The following GAS2 variants were observed in gnomAD, a reference collection of about 807,000 sequenced individuals.
GAS2 encodes the protein growth arrest specific 2, also known as growth arrest-specific protein 2.
GAS2 carries 20 observed loss-of-function variants against 37.5 expected under a neutral mutation model. That is an observed-to-expected ratio of 0.53 (90% CI 0.37 to 0.77). The LOEUF is 0.77. GAS2 is among the 30% of genes least tolerant of loss of function. GAS2 has a pLI of 0.00. For synonymous variants in GAS2, 144 were observed against 132.2 expected (o/e 1.09, Z -0.61); for missense variants, 336 against 373.4 (o/e 0.90, Z 0.82).
intron 3 of GAS2, among the ~76,000 whole-genome samples, chr11:22,691,360 A>C (rs1850239832): frequency 6.6e-6 from 1 of 152,192 alleles, no homozygotes; most frequent in Non-Finnish European, 1.5e-5. Flanking sequence ...TAAAGATTAG[A>C]AATTTTCTTC....
intron 7 of GAS2, among the ~76,000 whole-genome samples, chr11:22,768,762 G>A (rs1854825109): frequency 6.6e-6 from 1 of 152,124 alleles, no homozygotes; most frequent in South Asian, 2.1e-4. Flanking sequence ...TTTTCCTAAA[G>A]TCTGGCTTCA....
intron 3 of GAS2, among the ~76,000 whole-genome samples, chr11:22,696,747 A>G (rs2133997928): frequency 6.6e-6 from 1 of 152,010 alleles, no homozygotes; most frequent in South Asian, 2.1e-4. Flanking sequence ...TCTTCTTTTG[A>G]GAAGTGTCTG....
At chr11:22,714,095 A>G (rs996346449) in intron 3 of GAS2, among the ~76,000 whole-genome samples, 13 of 152,182 alleles carry the variant, frequency 8.5e-5, no homozygotes, top group African/African-American at 2.4e-4. Context: ...ATGGATCAAA[A>G]TCCCAAAACC....
At chr11:22,803,596 T>A (rs889543615) in intron 7 of GAS2, among the ~76,000 whole-genome samples, 1 of 152,164 alleles carries the variant, frequency 6.6e-6, no homozygotes, top group Non-Finnish European at 1.5e-5. Flanking sequence ...CTAAGTTGCT[T>A]AACTTCTCAG....
chr11:22,762,133 G>A (rs563807001), intron 7 of GAS2, among the ~76,000 whole-genome samples: 1 of 152,214 alleles, frequency 6.6e-6, no homozygotes, highest in East Asian at 1.9e-4. Flanking sequence ...TATATTGAAA[G>A]TTGTCCACAT....
At chr11:22,753,013 G>A (rs189900953) in intron 6 of GAS2, among the ~76,000 whole-genome samples, 2 of 152,038 alleles carry the variant, frequency 1.3e-5, no homozygotes, top group Admixed American at 6.6e-5. Flanking sequence ...TCCTCTTCGC[G>A]AGCTAGTTCT....
At chr11:22,652,544 C>A (rs1225955667) in intron 1 of GAS2, among the ~76,000 whole-genome samples, 2 of 152,226 alleles carry the variant, frequency 1.3e-5, no homozygotes, top group African/African-American at 4.8e-5. Context: ...GCAGTTTGAT[C>A]TCAGACTGCT....
At chr11:22,761,732 G>C (rs1043997954) in intron 7 of GAS2, among the ~76,000 whole-genome samples, 5 of 152,016 alleles carry the variant, frequency 3.3e-5, no homozygotes, top group South Asian at 4.1e-4. Context: ...TCCCAAACTC[G>C]TGTGGAAAAT....
chr11:22,647,476 T>G (rs1848714668), intron 1 of GAS2, among the ~76,000 whole-genome samples: 1 of 152,118 alleles, frequency 6.6e-6, no homozygotes, highest in Admixed American at 6.5e-5. Context: ...TTTCTAGTTC[T>G]AGATCCCTGA....
intron 7 of GAS2, among the ~76,000 whole-genome samples, chr11:22,772,697 C>A (rs1855044105): frequency 6.6e-6 from 1 of 152,090 alleles, no homozygotes. Flanking sequence ...TCTCTTCTTT[C>A]CTTTTCTCTG....
chr11:22,702,893 A>C (rs1190444306), intron 3 of GAS2, among the ~76,000 whole-genome samples: 1 of 152,162 alleles, frequency 6.6e-6, no homozygotes, highest in African/African-American at 2.4e-5. Flanking sequence ...TCCAGAGGCT[A>C]CTACATTTAT....
intron 3 of GAS2, among the ~76,000 whole-genome samples, chr11:22,723,134 T>C (rs533611055): frequency 6.0e-4 from 91 of 152,060 alleles, no homozygotes; most frequent in Non-Finnish European, 1.2e-3. Flanking sequence ...CACTGTTTAC[T>C]ATTTCCCAGT....
intron 3 of GAS2, among the ~76,000 whole-genome samples, chr11:22,686,376 T>G (rs1849948570): frequency 6.6e-6 from 1 of 151,680 alleles, no homozygotes; most frequent in African/African-American, 2.4e-5. Context: ...ACAAGAGAGA[T>G]TGTACTTAAT....
intron 3 of GAS2, among the ~76,000 whole-genome samples, chr11:22,712,906 A>G (rs1212180459): frequency 2.0e-5 from 3 of 151,742 alleles, no homozygotes; most frequent in Non-Finnish European, 4.4e-5. Context: ...ATGAAAACCC[A>G]TATCTACTAA....
chr11:22,756,604 C>A (rs1206290927), intron 7 of GAS2, among the ~76,000 whole-genome samples: 1 of 151,964 alleles, frequency 6.6e-6, no homozygotes. Flanking sequence ...CTACTTTTGA[C>A]CAAAACTTAT....
chr11:22,682,887 G>A (rs74541506), intron 2 of GAS2, among the ~76,000 whole-genome samples: 239 of 73,410 alleles, frequency 3.3e-3, no homozygotes, highest in Middle Eastern at 0.025. Context: ...AAAAAAAAAA[G>A]GAAAAAAAAA....
intron 7 of GAS2, among the ~76,000 whole-genome samples, chr11:22,809,051 C>T (rs999230583): frequency 6.6e-6 from 1 of 152,154 alleles, no homozygotes; most frequent in African/African-American, 2.4e-5. Context: ...ACACTGAGAA[C>T]CAGATCTTTG....
At chr11:22,773,487 G>A (rs1460060050) in intron 7 of GAS2, among the ~76,000 whole-genome samples, 5 of 140,036 alleles carry the variant, frequency 3.6e-5, no homozygotes, top group African/African-American at 8.0e-5. Flanking sequence ...TCCGCCTCCC[G>A]GATTCACGCC....
chr11:22,800,847 T>A (rs1856631962), intron 7 of GAS2, among the ~76,000 whole-genome samples: 1 of 152,080 alleles, frequency 6.6e-6, no homozygotes, highest in Non-Finnish European at 1.5e-5. Flanking sequence ...GTTGGGTAGT[T>A]TTTATTTTTG....
Sources: gnomAD v4.1 joint callset for allele counts (sites outside exome capture counted in the v4.1 genomes callset) on GRCh38, gnomAD v4.1.1 for gene constraint, MANE v1.5 for transcripts, NCBI Gene and HGNC (gene_info 2026-07-23, HGNC 2026-07-21) for gene names.